Variants in CHCHD3 observed in about 807,000 individuals in gnomAD.
The protein encoded by CHCHD3 is coiled-coil-helix-coiled-coil-helix domain containing 3.
A neutral mutation model predicts 38.2 loss-of-function variants in CHCHD3; 20 were observed. That is an observed-to-expected ratio of 0.52 (90% confidence interval 0.37 to 0.76). The LOEUF is 0.76. CHCHD3 is among the 30% of genes least tolerant of loss of function. The pLI, the probability that CHCHD3 is intolerant of heterozygous loss-of-function variation, is 0.00. For missense variants in CHCHD3, 245 were observed against 279.2 expected, an observed-to-expected ratio of 0.88 and a Z score of 0.87; for synonymous variants, 82 against 100.0, an observed-to-expected ratio of 0.82 and a Z score of 1.07.
At chr7:133,007,498 A>G (rs1812731992) in intron 3 of CHCHD3, among the ~76,000 whole-genome samples, 2 of 152,230 alleles carry the variant, frequency 1.3e-5, no homozygotes, top group African/African-American at 4.8e-5. Flanking sequence ...CAAGCAGGTC[A>G]GTGTCCAGAA....
At chr7:133,001,706 T>C (rs749942230) in intron 3 of CHCHD3, among the ~76,000 whole-genome samples, 2 of 152,122 alleles carry the variant, frequency 1.3e-5, no homozygotes, top group African/African-American at 4.8e-5. Context: ...AGAGATCTTT[T>C]ACAATCTTCA....
chr7:132,801,924 G>T (rs1365925071), intron 6 of CHCHD3, among the ~76,000 whole-genome samples: 1 of 152,158 alleles, frequency 6.6e-6, no homozygotes, highest in Non-Finnish European at 1.5e-5. Flanking sequence ...GGCAGGAGGG[G>T]AAAGCACTGC....
intron 5 of CHCHD3, among the ~76,000 whole-genome samples, chr7:132,844,075 G>A (rs1028203191): frequency 4.6e-5 from 7 of 152,352 alleles, no homozygotes; most frequent in South Asian, 2.1e-4. Flanking sequence ...TAAGGCGGGC[G>A]GATCACTTGA....
chr7:132,899,101 G>C (rs188229420), intron 4 of CHCHD3, among the ~76,000 whole-genome samples: 1 of 152,242 alleles, frequency 6.6e-6, no homozygotes, highest in Non-Finnish European at 1.5e-5. Context: ...ACCAAACTGG[G>C]AGCCCAGGCA....
intron 7 of CHCHD3, among the ~76,000 whole-genome samples, chr7:132,793,736 C>G (rs144613261): frequency 1.7e-4 from 26 of 152,150 alleles, no homozygotes; most frequent in African/African-American, 5.1e-4. Context: ...TGGGGGAAAC[C>G]CTTGCACTGT....
At chr7:133,068,060 G>A (rs1814722403) in intron 2 of CHCHD3, among the ~76,000 whole-genome samples, 1 of 151,756 alleles carries the variant, frequency 6.6e-6, no homozygotes, top group South Asian at 2.1e-4. Flanking sequence ...AGCTTGCAGT[G>A]AGCCAAGATC....
chr7:132,955,173 GGTGTGTGTGTGTGTGTGTGTGT>G (rs3050414), intron 4 of CHCHD3, among the ~76,000 whole-genome samples: 1 of 126,226 alleles, frequency 7.9e-6, no homozygotes, highest in Non-Finnish European at 1.6e-5. Flanking sequence ...TCCCTCAGAG[GGTGTGTGTGTGTGTGTGTGTGT>G]GTGTGTGTGT....
At chr7:132,889,506 T>C (rs965836921) in intron 4 of CHCHD3, among the ~76,000 whole-genome samples, 5 of 152,154 alleles carry the variant, frequency 3.3e-5, no homozygotes, top group African/African-American at 7.2e-5. Flanking sequence ...TTCTAAGATA[T>C]GATCCTTGAA....
At chr7:132,906,382 G>A (rs1809805864) in intron 4 of CHCHD3, among the ~76,000 whole-genome samples, 1 of 152,130 alleles carries the variant, frequency 6.6e-6, no homozygotes, top group Non-Finnish European at 1.5e-5. Flanking sequence ...ATCTGAAACT[G>A]AAAACAAGCA....
intron 4 of CHCHD3, among the ~76,000 whole-genome samples, chr7:132,967,284 C>T (rs1811488612): frequency 1.3e-5 from 2 of 152,192 alleles, no homozygotes; most frequent in African/African-American, 4.8e-5. Context: ...CTCAACTGTG[C>T]TGTCTTCTTT....
intron 5 of CHCHD3, among the ~76,000 whole-genome samples, chr7:132,865,423 A>T (rs1174171471): frequency 6.6e-6 from 1 of 152,188 alleles, no homozygotes; most frequent in South Asian, 2.1e-4. Flanking sequence ...AAAACTGGGG[A>T]CTCAGTGCAA....
chr7:133,063,662 A>G (rs1290520697), intron 2 of CHCHD3, among the ~76,000 whole-genome samples: 2 of 152,214 alleles, frequency 1.3e-5, no homozygotes, highest in East Asian at 1.9e-4. Flanking sequence ...GGATATAAAA[A>G]TATCAATAAG....
intron 2 of CHCHD3, among the ~76,000 whole-genome samples, chr7:133,027,566 T>C (rs1209333209): frequency 6.6e-6 from 1 of 152,144 alleles, no homozygotes; most frequent in East Asian, 1.9e-4. Context: ...CTAGGGGAAC[T>C]TTGGGAAAGG....
At chr7:132,947,596 A>G (rs1810929661) in intron 4 of CHCHD3, among the ~76,000 whole-genome samples, 1 of 152,052 alleles carries the variant, frequency 6.6e-6, no homozygotes. Flanking sequence ...AAAGACTCAA[A>G]TGTTTAGTAT....
At chr7:133,070,500 A>C (rs1307630317) in intron 1 of CHCHD3, among the ~76,000 whole-genome samples, 1 of 152,200 alleles carries the variant, frequency 6.6e-6, no homozygotes, top group Non-Finnish European at 1.5e-5. Context: ...TATGCACAAA[A>C]TTGTAATCTC....
intron 4 of CHCHD3, among the ~76,000 whole-genome samples, chr7:132,897,296 T>A (rs1809524770): frequency 6.6e-6 from 1 of 152,238 alleles, no homozygotes; most frequent in Non-Finnish European, 1.5e-5. Flanking sequence ...AACTGACAAG[T>A]AAATTGGACA....
intron 4 of CHCHD3, among the ~76,000 whole-genome samples, chr7:132,890,224 G>A (rs1020320037): frequency 6.6e-6 from 1 of 152,160 alleles, no homozygotes. Flanking sequence ...GGTGTTGATA[G>A]CTAGATTAAA....
At chr7:132,958,407 GATA>G (rs1446465901) in intron 4 of CHCHD3, among the ~76,000 whole-genome samples, 2 of 151,288 alleles carry the variant, frequency 1.3e-5, no homozygotes, top group Admixed American at 6.6e-5. Context: ...ACCTTGCTGT[GATA>G]ATAAAAAAAA....
At chr7:133,028,855 G>A (rs1432029647) in intron 2 of CHCHD3, among the ~76,000 whole-genome samples, 19 of 150,820 alleles carry the variant, frequency 1.3e-4, no homozygotes, top group East Asian at 3.9e-4. Flanking sequence ...ACTGCACTCC[G>A]GCCTGGGCGA....
Sources: allele counts gnomAD v4.1 joint callset (sites outside exome capture counted in the v4.1 genomes callset), GRCh38; gene constraint gnomAD v4.1.1; transcripts MANE v1.5; gene names NCBI Gene and HGNC (gene_info 2026-07-23, HGNC 2026-07-21).